The following COP1 variants were observed in gnomAD, a reference collection of about 807,000 sequenced individuals.
COP1 encodes the protein E3 ubiquitin-protein ligase COP1.
In COP1, 24 loss-of-function variants were observed where a neutral mutation model predicts 101.3. The ratio of observed to expected loss-of-function variants is 0.24; its 90% CI spans 0.17 to 0.33. The LOEUF is 0.33. Among genes scored for constraint, COP1 ranks in the 10% least tolerant of loss-of-function variants. The pLI is 1.00. For missense variants in COP1, 663 were observed against 906.2 expected (o/e 0.73, Z 3.45); for synonymous variants, 347 against 341.9 (o/e 1.01, Z -0.17).
intron 14 of COP1, among the ~76,000 whole-genome samples, chr1:176,042,460 G>T (rs1047555196): frequency 3.3e-5 from 5 of 149,616 alleles, no homozygotes; most frequent in Non-Finnish European, 3.0e-5. Context: ...CCACTCGGGA[G>T]GGTGAGGCAG....
chr1:176,013,342 G>C (rs2148967359), intron 15 of COP1, among the ~76,000 whole-genome samples: 1 of 152,214 alleles, frequency 6.6e-6, no homozygotes, highest in African/African-American at 2.4e-5. Flanking sequence ...AAAAACACAA[G>C]ATGATGATGG....
At chr1:176,074,842 T>TAA (rs1457376918) in intron 11 of COP1, among the ~76,000 whole-genome samples, 6 of 151,554 alleles carry the variant, frequency 4.0e-5, no homozygotes, top group African/African-American at 1.5e-4. Context: ...TAACTACAGG[T>TAA]AAGTGCATAC....
chr1:175,954,792 C>G (rs1303187447), intron 18 of COP1, among the ~76,000 whole-genome samples: 1 of 152,008 alleles, frequency 6.6e-6, no homozygotes, highest in African/African-American at 2.4e-5. Flanking sequence ...AATAAAATTA[C>G]CAACTACTTT....
intron 11 of COP1, among the ~76,000 whole-genome samples, chr1:176,080,921 A>T (rs1197179165): frequency 6.6e-6 from 1 of 152,200 alleles, no homozygotes; most frequent in Non-Finnish European, 1.5e-5. Flanking sequence ...CAATGATAGT[A>T]CAAGAAAACA....
chr1:176,129,092 T>C (rs1462153981), intron 8 of COP1, among the ~76,000 whole-genome samples: 1 of 151,962 alleles, frequency 6.6e-6, no homozygotes, highest in African/African-American at 2.4e-5. Context: ...TATTATGCAG[T>C]ATTGTTTCTT....
intron 14 of COP1, among the ~76,000 whole-genome samples, chr1:176,041,118 C>A (rs190942746): frequency 6.6e-6 from 1 of 151,858 alleles, no homozygotes; most frequent in Non-Finnish European, 1.5e-5. Context: ...TTTTAGTATA[C>A]AATAGAAATT....
chr1:176,176,232 CTG>C (rs1696912438), intron 2 of COP1, among the ~76,000 whole-genome samples: 1 of 152,136 alleles, frequency 6.6e-6, no homozygotes, highest in African/African-American at 2.4e-5. Flanking sequence ...ATCAAGGACA[CTG>C]TATACAAATT....
Position 176,113,398 on chromosome 1 carries a change from G to T in COP1, c.1026+3226C>A, listed in dbSNP as rs144009208. 2.6e-3 allele frequency among the ~76,000 whole-genome samples: 397 copies of T among 152,148 alleles called. 3 individuals carry two copies. Among genetic ancestry groups the T allele is most frequent in the African/African-American group, 9.2e-3 (380 of 41,502 alleles). ...CAATTTTTAAATTGGATTATTATTT[G>T]TTGCAATCAAACTGTTTGAGTCCAT... On this transcript the variant is annotated intron_variant, in intron 9 of 19. Transcript: ENST00000367669.
At chr1:176,061,107 G>C (rs140460324) in intron 11 of COP1, among the ~76,000 whole-genome samples, 1 of 152,230 alleles carries the variant, frequency 6.6e-6, no homozygotes, top group Non-Finnish European at 1.5e-5. Flanking sequence ...GGCCTAAGAG[G>C]AGACATACAG....
chr1:176,172,331 T>A (rs1696204998), intron 3 of COP1, among the ~76,000 whole-genome samples: 1 of 152,232 alleles, frequency 6.6e-6, no homozygotes, highest in Non-Finnish European at 1.5e-5. Context: ...TTTGAGCCAC[T>A]GCACCTGGCC....
intron 15 of COP1, among the ~76,000 whole-genome samples, chr1:175,992,497 G>C (rs919183106): frequency 4.6e-5 from 7 of 152,218 alleles, no homozygotes; most frequent in Admixed American, 1.3e-4. Context: ...CCTAGTCAAA[G>C]AAAGGAGTGA....
intron 18 of COP1, among the ~76,000 whole-genome samples, chr1:175,950,640 CTTA>C: frequency 6.6e-6 from 1 of 152,080 alleles, no homozygotes; most frequent in Non-Finnish European, 1.5e-5. Context: ...GTCAGTAATT[CTTA>C]TTATTTTCTC....
chr1:176,152,327 A>C (rs1355522187), intron 5 of COP1, among the ~76,000 whole-genome samples: 2 of 152,220 alleles, frequency 1.3e-5, no homozygotes, highest in Non-Finnish European at 2.9e-5. Flanking sequence ...AAAAATTGAA[A>C]AGATTCCTTC....
chr1:176,033,122 G>C (rs1668903950), intron 14 of COP1, among the ~76,000 whole-genome samples: 1 of 152,078 alleles, frequency 6.6e-6, no homozygotes, highest in Non-Finnish European at 1.5e-5. Context: ...AGAAAATTTG[G>C]AATGAAGGGC....
At chr1:176,089,353 TAA>T (rs752229314) in intron 9 of COP1, among the ~76,000 whole-genome samples, 9 of 152,108 alleles carry the variant, frequency 5.9e-5, no homozygotes, top group Non-Finnish European at 1.3e-4. Flanking sequence ...ATTATCAGAT[TAA>T]GAGGCAATAA....
At chr1:176,093,124 T>C (rs564665679) in intron 9 of COP1, among the ~76,000 whole-genome samples, 2 of 152,320 alleles carry the variant, frequency 1.3e-5, no homozygotes, top group Middle Eastern at 3.4e-3. Context: ...TAGGGGTGTG[T>C]ATATATGTGG....
chr1:176,088,268 T>C (rs1289509036), intron 9 of COP1, among the ~76,000 whole-genome samples: 4 of 151,074 alleles, frequency 2.6e-5, no homozygotes, highest in Non-Finnish European at 4.4e-5. Context: ...AAAAAAAGAA[T>C]GAGCTGCTGA....
rs182354218 is a variant in COP1, at chr1:176,206,382, A to C, written c.407+190T>G. 1.7e-4 allele frequency: 102 copies of C among 607,372 alleles called. No individual in the cohort carries two copies. The African/African-American group carries it at 1.8e-3, about 11-fold the overall frequency. The allele number at this position is 607,372 out of a possible 1,614,324, so 37.6% of individuals were successfully genotyped here. A position where few individuals can be genotyped will look rare whatever the true frequency, so the allele number is the denominator to read the frequency against. ...TATCCCCACCCTGCCTCGCTACTCC[A>C]ACATTCCTTCACCCCACCAACCAGG... is the stretch of plus-strand genomic sequence containing the variant. On this transcript the variant is annotated intron_variant, in intron 1 of 19. Coordinates refer to ENST00000367669, the MANE Select transcript of COP1 (RefSeq NM_022457.7).
chr1:176,154,506 A>G (rs182006776), intron 5 of COP1, among the ~76,000 whole-genome samples: 3 of 152,282 alleles, frequency 2.0e-5, no homozygotes, highest in Non-Finnish European at 2.9e-5. Flanking sequence ...GAAGCCAGAA[A>G]CCATTATCCT....
Sources: gnomAD v4.1 joint callset for allele counts (sites outside exome capture counted in the v4.1 genomes callset) on GRCh38, gnomAD v4.1.1 for gene constraint, MANE v1.5 for transcripts, NCBI Gene and HGNC (gene_info 2026-07-23, HGNC 2026-07-21) for gene names.